Variants in VSIG1 observed in about 807,000 individuals in gnomAD.
VSIG1 encodes the protein V-set and immunoglobulin domain-containing protein 1.
A neutral mutation model predicts 20.1 loss-of-function variants in VSIG1; 11 were observed. The ratio of observed to expected loss-of-function variants is 0.55; its 90% CI spans 0.34 to 0.91. VSIG1 has a LOEUF of 0.91. Ranked by LOEUF, VSIG1 falls within the 40% of genes least tolerant of loss-of-function variation. VSIG1 has a pLI of 0.02. For missense variants in VSIG1, 283 were observed against 298.8 expected, an observed-to-expected ratio of 0.95 and a Z score of 0.39; for synonymous variants, 126 against 116.7, an observed-to-expected ratio of 1.08 and a Z score of -0.52.
At chrX:108,027,358 A>G in the VSIG1 span, among the ~76,000 whole-genome samples, 3 of 112,327 alleles carry the variant, frequency 2.7e-5, no homozygotes, top group East Asian at 8.4e-4. Context: ...GATACATTCT[A>G]CAACATGGAT....
At chrX:108,032,895 C>G in the VSIG1 span, among the ~76,000 whole-genome samples, 3 of 111,225 alleles carry the variant, frequency 2.7e-5, no homozygotes, top group Admixed American at 9.5e-5. Flanking sequence ...TTCAATATTG[C>G]TGGGGTGAGT....
chrX:108,022,068 G>A, the VSIG1 span, among the ~76,000 whole-genome samples: 2 of 111,426 alleles, frequency 1.8e-5, no homozygotes, highest in Non-Finnish European at 3.8e-5. Flanking sequence ...TTTAGAATCA[G>A]CTTGTCGATT....
rs1406001990 is a variant in VSIG1 at position 108,078,631 on chromosome X, A to G, written c.*1250A>G. On this transcript the variant is annotated 3_prime_UTR_variant, in exon 7 of 7. Transcript: ENST00000217957. ...ACAGAAAACAAACAAACAAAAAACAAAAAATCCCCACAACTTTGTCAAATA... is the reference window on the plus strand; with the variant it reads ...ACAGAAAACAAACAAACAAAAAACAGAAAATCCCCACAACTTTGTCAAATA... 1.1e-4 allele frequency: 12 copies of G among 112,161 alleles called. No homozygotes were observed. In the Admixed American group the frequency reaches 1.1e-3, roughly 11 times the overall value. The allele number at this position is 112,161 out of a possible 1,213,427, so 9.2% of individuals were successfully genotyped here.
At chrX:108,062,619 CA>C (rs748417017) in intron 2 of VSIG1, among the ~76,000 whole-genome samples, 43 of 111,981 alleles carry the variant, frequency 3.8e-4, no homozygotes, top group African/African-American at 1.3e-3. Context: ...GATACCCAGG[CA>C]AATGGAGGGT....
chrX:108,051,316 C>G (rs572974780), intron 1 of VSIG1, among the ~76,000 whole-genome samples: 1 of 111,349 alleles, frequency 9.0e-6, no homozygotes, highest in African/African-American at 3.3e-5. Flanking sequence ...AGTGTCCCAC[C>G]ATACCTACCC....
At chrX:108,036,511 G>A in the VSIG1 span, among the ~76,000 whole-genome samples, 3 of 111,673 alleles carry the variant, frequency 2.7e-5, no homozygotes, top group African/African-American at 9.8e-5. Context: ...TTAACATAGA[G>A]TTCCTGGTAC....
In VSIG1 at chrX:108,072,602, G is replaced by A. The variant is rs1462868961; in HGVS notation, c.413-75G>A. On this transcript the variant is annotated intron_variant, in intron 3 of 6. Coordinates refer to ENST00000217957, the MANE Select transcript of VSIG1 (RefSeq NM_182607.5). ...AACACACATATTATTCAAAATGAAA[G>A]TGAGGAAGTGACTGCAATTGTCACA... 6.1e-6 allele frequency: 6 copies of A among 987,375 alleles called. No homozygotes were observed. In the African/African-American group the frequency reaches 7.7e-5, roughly 13 times the overall value. 81.4% of individuals were successfully genotyped at this position (987,375 alleles called of 1,213,427 possible).
At chrX:108,061,633 T>C (rs1216169158) in intron 2 of VSIG1, 1 of 684,518 alleles carries the variant, frequency 1.5e-6, no homozygotes, top group East Asian at 3.5e-5. Flanking sequence ...GGGTCTGACT[T>C]TGGTAACAAT....
intron 1 of VSIG1, among the ~76,000 whole-genome samples, chrX:108,045,574 G>A (rs2030554312): frequency 8.9e-6 from 1 of 112,736 alleles, no homozygotes; most frequent in South Asian, 3.6e-4. Flanking sequence ...GGCAGAGCCT[G>A]GGTTGGAGGG....
the VSIG1 span, among the ~76,000 whole-genome samples, chrX:108,037,658 C>A: frequency 2.7e-5 from 3 of 112,173 alleles, no homozygotes; most frequent in Non-Finnish European, 3.8e-5. Flanking sequence ...TCACCTTATC[C>A]CACACAATAC....
At chrX:108,061,702 C>G (rs990333162) in intron 2 of VSIG1, among the ~76,000 whole-genome samples, 4 of 110,488 alleles carry the variant, frequency 3.6e-5, no homozygotes, top group African/African-American at 1.3e-4. Flanking sequence ...CTTCTCACAT[C>G]CATGTCTGGA....
chrX:108,026,458 C>T, the VSIG1 span, among the ~76,000 whole-genome samples: 2 of 110,951 alleles, frequency 1.8e-5, no homozygotes, highest in African/African-American at 6.5e-5. Context: ...TCTAGTAAAG[C>T]CTGTATGTGC....
In VSIG1 at chrX:108,077,284, C is replaced by G. The variant is rs555955263; in HGVS notation, c.1067C>G (p.Ser356Trp). Reference protein sequence around the residue: ...IELELEPETQSELEPEPEPEP... With the variant: ...IELELEPETQWELEPEPEPEP... ...CTGGAGCTGGAGCCAGAAACGCAGT[C>G]GGAATTGGAGCCAGAGCCAGAGCCA... The change falls in exon 7 of 7, where the codon TCG becomes TGG. Residue 356 changes from serine (S) to tryptophan (W), a missense_variant. Ser to Trp is a radical substitution (Grantham distance 177). Transcript: ENST00000217957. 8.3e-7 allele frequency: 1 copy of G among 1,211,718 alleles called. No homozygotes were observed. Among genetic ancestry groups the G allele is most frequent in the South Asian group, 1.8e-5 (1 of 57,000 alleles).
At chrX:108,061,388 C>G in intron 2 of VSIG1, 1 of 1,041,786 alleles carries the variant, frequency 9.6e-7, no homozygotes, top group East Asian at 3.3e-5. Context: ...TACTGTATAG[C>G]ATTCAGCTCT....
upstream of VSIG1, among the ~76,000 whole-genome samples, chrX:108,040,438 A>C (rs1166635181): frequency 2.7e-5 from 3 of 112,351 alleles, no homozygotes; most frequent in Admixed American, 1.9e-4. Context: ...GTGGAGAAGC[A>C]GGCACTCTCA....
intron 1 of VSIG1, among the ~76,000 whole-genome samples, chrX:108,047,921 C>T (rs1175195991): frequency 4.9e-5 from 3 of 60,869 alleles, no homozygotes; most frequent in Admixed American, 2.1e-4. Flanking sequence ...TATATATACA[C>T]ATATATATAT....
At chrX:108,020,245 C>G in the VSIG1 span, among the ~76,000 whole-genome samples, 2 of 111,132 alleles carry the variant, frequency 1.8e-5, no homozygotes, top group South Asian at 7.6e-4. Flanking sequence ...AATAGCCTGT[C>G]TTTGAGCTCA....
the VSIG1 span, among the ~76,000 whole-genome samples, chrX:108,026,481 T>TCA: frequency 9.0e-6 from 1 of 111,387 alleles, no homozygotes; most frequent in African/African-American, 3.3e-5. Context: ...ATGCTGCTTA[T>TCA]TGAAGTACCA....
chrX:108,064,692 G>A (rs1190554509), intron 2 of VSIG1: 1 of 740,544 alleles, frequency 1.4e-6, no homozygotes, highest in African/African-American at 2.3e-5. Flanking sequence ...CAGGGCTGAT[G>A]TTTTACACTG....
Sources: gnomAD v4.1 joint callset for allele counts (sites outside exome capture counted in the v4.1 genomes callset) on GRCh38, gnomAD v4.1.1 for gene constraint, MANE v1.5 for transcripts, NCBI Gene and HGNC (gene_info 2026-07-23, HGNC 2026-07-21) for gene names.